Variants in AK4 observed in about 807,000 individuals in gnomAD.
AK4 encodes the protein adenylate kinase 4, mitochondrial.
A neutral mutation model predicts 24.6 loss-of-function variants in AK4; 13 were observed. That is an observed-to-expected ratio of 0.53 (90% CI 0.34 to 0.84). The LOEUF (loss-of-function observed/expected upper bound fraction) is 0.84, where lower values mean the gene tolerates loss of function less well. Among genes scored for constraint, AK4 ranks in the 40% least tolerant of loss-of-function variants. The pLI, the probability that AK4 is intolerant of heterozygous loss-of-function variation, is 0.01. For missense variants in AK4, 192 were observed against 288.2 expected, an observed-to-expected ratio of 0.67 and a Z score of 2.42; for synonymous variants, 88 against 107.0, an observed-to-expected ratio of 0.82 and a Z score of 1.10.
At chr1:65,204,661 T>C (rs1002080638) in intron 2 of AK4, among the ~76,000 whole-genome samples, 1 of 152,236 alleles carries the variant, frequency 6.6e-6, no homozygotes, top group African/African-American at 2.4e-5. Flanking sequence ...TTGTTTTCTT[T>C]TGTTTTAAAT....
intron 3 of AK4, among the ~76,000 whole-genome samples, chr1:65,223,794 A>C (rs767005544): frequency 2.0e-5 from 3 of 152,122 alleles, no homozygotes; most frequent in Admixed American, 6.5e-5. Flanking sequence ...CAGGAGTTCG[A>C]GACCAGCCTG....
At chr1:65,180,194 TC>T (rs1365186422) in intron 1 of AK4, among the ~76,000 whole-genome samples, 2 of 152,138 alleles carry the variant, frequency 1.3e-5, no homozygotes, top group African/African-American at 4.8e-5. Context: ...ATGTCTGTAA[TC>T]CCACCACTTT....
At chr1:65,195,103 C>T (rs1200096695) in intron 2 of AK4, among the ~76,000 whole-genome samples, 1 of 152,134 alleles carries the variant, frequency 6.6e-6, no homozygotes, top group Non-Finnish European at 1.5e-5. Context: ...ATGGTTCTCA[C>T]ATTTGTTGGG....
intron 1 of AK4, among the ~76,000 whole-genome samples, chr1:65,152,344 CTCTCTCTCTCTCTCTCTA>C (rs1186779346): frequency 3.9e-4 from 17 of 43,234 alleles, no homozygotes; most frequent in African/African-American, 1.4e-3. Flanking sequence ...CTCTCTCTCT[CTCTCTCTCTCTCTCTCTA>C]TATATATATA....
intron 1 of AK4, 40 bp downstream of exon 1, chr1:65,148,592 T>C: frequency 6.4e-7 from 1 of 1,560,196 alleles, no homozygotes; most frequent in East Asian, 2.4e-5. Context: ...GCGAGCCGCG[T>C]TGGGCTGGGG....
chr1:65,190,892 CCTTAA>C, intron 2 of AK4, 63 bp downstream of exon 2: 1 of 1,530,852 alleles, frequency 6.5e-7, no homozygotes, highest in Non-Finnish European at 8.8e-7. Context: ...TTGCACACTC[CCTTAA>C]CTTCTTACCG....
chr1:65,201,613 C>T (rs1383030189), intron 2 of AK4, among the ~76,000 whole-genome samples: 1 of 152,150 alleles, frequency 6.6e-6, no homozygotes, highest in Non-Finnish European at 1.5e-5. Flanking sequence ...GCTTCCTGAC[C>T]TCATAGTCCA....
chr1:65,230,286 T>C lies in AK4; in HGVS notation c.*4109T>C, dbSNP rs1269422587. 6.6e-6 allele frequency: 1 copy of C among 152,198 alleles called. No homozygotes were observed. 9.4% of individuals were successfully genotyped at this position (152,198 alleles called of 1,614,324 possible). A position where few individuals can be genotyped will look rare whatever the true frequency, so the allele number is the denominator to read the frequency against. ...TTGGAGCGAGGAGCCACTGTGGTTT[T>C]TCCTGCTATTTAAGATGTTGAGACC... On this transcript the variant is annotated 3_prime_UTR_variant, in exon 5 of 5. Transcript: ENST00000327299.
chr1:65,159,835 G>A (rs550944910), intron 1 of AK4, among the ~76,000 whole-genome samples: 2 of 151,958 alleles, frequency 1.3e-5, no homozygotes, highest in African/African-American at 4.8e-5. Flanking sequence ...GGGCATGGTG[G>A]TGTGCGCCTG....
intron 1 of AK4, among the ~76,000 whole-genome samples, chr1:65,173,974 T>G (rs999889828): frequency 3.9e-5 from 6 of 152,040 alleles, no homozygotes; most frequent in Non-Finnish European, 1.5e-5. Context: ...ACCGGTGTCC[T>G]AAAAACCTAT....
At chr1:65,158,023 TG>T (rs1650035775) in intron 1 of AK4, among the ~76,000 whole-genome samples, 1 of 152,220 alleles carries the variant, frequency 6.6e-6, no homozygotes, top group African/African-American at 2.4e-5. Flanking sequence ...CTTGCTTTTA[TG>T]GCTTGGCCTT....
chr1:65,213,305 A>G (rs1333491321), intron 2 of AK4, among the ~76,000 whole-genome samples: 1 of 152,152 alleles, frequency 6.6e-6, no homozygotes, highest in Admixed American at 6.5e-5. Flanking sequence ...TTTACTATTA[A>G]AGAGTCAGGT....
rs945519802 is a variant in AK4, at chr1:65,228,837, C to T, written c.*2660C>T. 2.0e-5 allele frequency: 3 copies of T among 151,860 alleles called. No homozygotes were observed. Among genetic ancestry groups the T allele is most frequent in the African/African-American group, 7.3e-5 (3 of 41,346 alleles). The allele number at this position is 151,860 out of a possible 1,614,324, so 9.4% of individuals were successfully genotyped here. ...TCGCATTCTGTCATTCTACCCAGCTCTTAATTCAATTTGCTTCCATTATCC... is the reference window on the plus strand; with the variant it reads ...TCGCATTCTGTCATTCTACCCAGCTTTTAATTCAATTTGCTTCCATTATCC... On this transcript the variant is annotated 3_prime_UTR_variant, in exon 5 of 5. Transcript: ENST00000327299.
chr1:65,175,600 A>G (rs1650686634), intron 1 of AK4, among the ~76,000 whole-genome samples: 3 of 152,172 alleles, frequency 2.0e-5, no homozygotes, highest in Admixed American at 1.3e-4. Context: ...GAATGCGTCT[A>G]GTACTTGGGC....
chr1:65,222,476 G>A (rs1015978005), intron 3 of AK4, among the ~76,000 whole-genome samples: 2 of 152,178 alleles, frequency 1.3e-5, no homozygotes, highest in Admixed American at 1.3e-4. Flanking sequence ...TAACTCCTGT[G>A]TCAGTGGTAG....
chr1:65,194,125 C>A (rs890628328), intron 2 of AK4, among the ~76,000 whole-genome samples: 2 of 152,146 alleles, frequency 1.3e-5, no homozygotes, highest in Admixed American at 6.5e-5. Context: ...ATAAAGTGTG[C>A]CCTCAGAGTT....
intron 1 of AK4, among the ~76,000 whole-genome samples, chr1:65,167,578 C>A (rs1650375082): frequency 6.6e-6 from 1 of 150,620 alleles, no homozygotes; most frequent in East Asian, 1.9e-4. Flanking sequence ...GAGCTCAGTT[C>A]TGTTTTGGTT....
intron 2 of AK4, 94 bp downstream of exon 2, chr1:65,190,923 A>C (rs1348269031): frequency 7.1e-7 from 1 of 1,409,668 alleles, no homozygotes; most frequent in Non-Finnish European, 9.4e-7. Flanking sequence ...AAAATGCCTT[A>C]TTTTCTAAAC....
chr1:65,187,227 G>T (rs894336156), intron 1 of AK4, among the ~76,000 whole-genome samples: 1 of 151,778 alleles, frequency 6.6e-6, no homozygotes, highest in Non-Finnish European at 1.5e-5. Context: ...GGCGCCTGTA[G>T]TCCCAGCTAC....
Sources: allele counts gnomAD v4.1 joint callset (sites outside exome capture counted in the v4.1 genomes callset), GRCh38; gene constraint gnomAD v4.1.1; transcripts MANE v1.5; gene names NCBI Gene and HGNC (gene_info 2026-07-23, HGNC 2026-07-21).